The following FSIP1 variants were observed in gnomAD, a reference collection of about 807,000 sequenced individuals.
FSIP1 encodes fibrous sheath-interacting protein 1.
In FSIP1, 65 loss-of-function variants were observed where a neutral mutation model predicts 60.9. The observed-to-expected ratio is 1.07, with a 90% CI of 0.87 to 1.31. FSIP1 has a LOEUF of 1.31. FSIP1 is among the 40% of genes most tolerant of loss of function. The probability of loss-of-function intolerance (pLI) is 0.00; values close to 1 mark genes in which losing one functional copy is unlikely to be tolerated. For synonymous variants in FSIP1, 209 were observed against 221.2 expected, an observed-to-expected ratio of 0.94 and a Z score of 0.49; for missense variants, 675 against 665.5, an observed-to-expected ratio of 1.01 and a Z score of -0.16.
At chr15:39,772,584 C>T (rs574330916) in intron 2 of FSIP1, among the ~76,000 whole-genome samples, 35 of 151,760 alleles carry the variant, frequency 2.3e-4, no homozygotes, top group Middle Eastern at 3.4e-3. Flanking sequence ...TGTGAGCCAC[C>T]GTGCCCAGCC....
In FSIP1 at chr15:39,698,954, TA is replaced by T. The variant is rs374312006; in HGVS notation, c.1188+14489del. On this transcript the variant is annotated intron_variant, in intron 10 of 11. Transcript: ENST00000350221. ...AAGAAATTGGTCAGAGGTAAACAGA[TA>T]AGAGGTGATGCAATAGCTTTATGAT... 3.5e-3 allele frequency among the ~76,000 whole-genome samples: 532 copies of T among 152,292 alleles called. 3 individuals carry two copies. The highest frequency in any genetic ancestry group is 0.012 in the African/African-American group (508 of 41,562).
At chr15:39,654,485 T>G (rs1479566220) in intron 10 of FSIP1, among the ~76,000 whole-genome samples, 1 of 152,216 alleles carries the variant, frequency 6.6e-6, no homozygotes, top group Admixed American at 6.5e-5. Context: ...GATACCTGTG[T>G]ACTAAATGTT....
At chr15:39,754,198 A>G (rs532852812) in intron 5 of FSIP1, among the ~76,000 whole-genome samples, 56 of 152,174 alleles carry the variant, frequency 3.7e-4, no homozygotes, top group African/African-American at 9.9e-4. Flanking sequence ...AAAGGCAGCA[A>G]GAAACTGAGG....
chr15:39,686,373 A>G (rs1470545797), intron 10 of FSIP1, among the ~76,000 whole-genome samples: 1 of 152,274 alleles, frequency 6.6e-6, no homozygotes, highest in Non-Finnish European at 1.5e-5. Context: ...TTCAATTAAA[A>G]ACTTTTCCCA....
At chr15:39,626,959 G>C (rs1891665361) in intron 10 of FSIP1, among the ~76,000 whole-genome samples, 1 of 150,374 alleles carries the variant, frequency 6.7e-6, no homozygotes, top group African/African-American at 2.5e-5. Flanking sequence ...CACTAGTGTA[G>C]CACTATCTGG....
chr15:39,779,333 T>TA (rs1898169727), intron 1 of FSIP1, among the ~76,000 whole-genome samples: 1 of 151,696 alleles, frequency 6.6e-6, no homozygotes, highest in Admixed American at 6.6e-5. Context: ...ATCAAGGAAG[T>TA]AAGAGTAGTG....
chr15:39,674,131 T>C (rs538475787), intron 10 of FSIP1, among the ~76,000 whole-genome samples: 52 of 151,840 alleles, frequency 3.4e-4, no homozygotes, highest in African/African-American at 1.2e-3. Context: ...CTCGGCTCAC[T>C]GCAAGCTCCG....
At chr15:39,652,702 T>C (rs1892921364) in intron 10 of FSIP1, among the ~76,000 whole-genome samples, 1 of 152,222 alleles carries the variant, frequency 6.6e-6, no homozygotes, top group Admixed American at 6.5e-5. Flanking sequence ...ATTTCATTTG[T>C]TATACACAAA....
chr15:39,707,840 A>T (rs1411412798), intron 10 of FSIP1, among the ~76,000 whole-genome samples: 1 of 152,056 alleles, frequency 6.6e-6, no homozygotes, highest in Admixed American at 6.6e-5. Context: ...GCCCTTAACC[A>T]CCAAGCCCCC....
At chr15:39,745,347 T>C (rs1391741153) in intron 5 of FSIP1, among the ~76,000 whole-genome samples, 1 of 152,226 alleles carries the variant, frequency 6.6e-6, no homozygotes, top group African/African-American at 2.4e-5. Context: ...TACCATAGTC[T>C]AATTAATATA....
In FSIP1 at chr15:39,752,397, G is replaced by T. The variant is rs596717; in HGVS notation, c.560-10497C>A. On this transcript the variant is annotated intron_variant, in intron 5 of 11. Transcript: ENST00000350221. ...AAGAGTAGAGTGTGGCAAAGGATGGGGAAATATGGTAACTTACAGTGGAAA... is the reference window on the plus strand; with the variant it reads ...AAGAGTAGAGTGTGGCAAAGGATGGTGAAATATGGTAACTTACAGTGGAAA... Among the ~76,000 whole-genome samples, 990 of 151,940 alleles carry T rather than the reference G, an allele frequency of 6.5e-3. 8 individuals carry two copies. The highest frequency in any genetic ancestry group is 0.023 in the African/African-American group (937 of 41,442).
chr15:39,742,187 C>T lies in FSIP1; in HGVS notation c.560-287G>A, dbSNP rs151272469. On this transcript the variant is annotated intron_variant, in intron 5 of 11. Coordinates refer to ENST00000350221, the MANE Select transcript of FSIP1 (RefSeq NM_152597.5). Reference sequence around the variant, plus strand: ...TGTGTAAGAGTGTGCTAAAATAACACATTAACTCTCCAGAGATAATGCATC... The same window carrying T: ...TGTGTAAGAGTGTGCTAAAATAACATATTAACTCTCCAGAGATAATGCATC... 8.5e-3 allele frequency among the ~76,000 whole-genome samples: 1,292 copies of T among 152,258 alleles called. 18 individuals are homozygous for T. Among genetic ancestry groups the T allele is most frequent in the African/African-American group, 0.029 (1,204 of 41,534 alleles).
In FSIP1 at chr15:39,601,521, C is replaced by T. The variant is rs149627080; in HGVS notation, c.1700-595G>A. 1.9e-3 allele frequency among the ~76,000 whole-genome samples: 290 copies of T among 152,270 alleles called. 3 individuals carry two copies. The highest frequency in any genetic ancestry group is 3.0e-3 in the Non-Finnish European group (206 of 68,024). ...AGTCTGGCAGTTCCTGAGAAGGTTA[C>T]CATAGACCTGGCAATTCCACTTCTA... On this transcript the variant is annotated intron_variant, in intron 11 of 11. Transcript: ENST00000350221.
At chr15:39,622,145 C>T (rs929770354) in intron 10 of FSIP1, among the ~76,000 whole-genome samples, 1 of 148,582 alleles carries the variant, frequency 6.7e-6, no homozygotes, top group African/African-American at 2.5e-5. Context: ...ACTCACTGTG[C>T]AGGCACTGTC....
intron 10 of FSIP1, among the ~76,000 whole-genome samples, chr15:39,688,240 G>A (rs970918106): frequency 2.0e-5 from 3 of 152,052 alleles, no homozygotes; most frequent in African/African-American, 7.2e-5. Context: ...ACTTACAATG[G>A]GCTTACATCC....
chr15:39,767,978 C>G (rs1244944197), intron 3 of FSIP1, among the ~76,000 whole-genome samples: 1 of 152,220 alleles, frequency 6.6e-6, no homozygotes. Context: ...AGCTGATTAA[C>G]ACAAGCCGCC....
chr15:39,726,235 G>A (rs1171247053), intron 9 of FSIP1, among the ~76,000 whole-genome samples: 1 of 152,122 alleles, frequency 6.6e-6, no homozygotes, highest in Non-Finnish European at 1.5e-5. Flanking sequence ...AAGGGACAAT[G>A]GCTGTCATTG....
chr15:39,740,277 C>A (rs1237762517), intron 6 of FSIP1, among the ~76,000 whole-genome samples: 1 of 149,952 alleles, frequency 6.7e-6, no homozygotes, highest in Non-Finnish European at 1.5e-5. Flanking sequence ...GAGTTAGCGT[C>A]CCATGTCCTA....
chr15:39,713,147 T>C (rs1200517127), intron 10 of FSIP1, among the ~76,000 whole-genome samples: 1 of 152,250 alleles, frequency 6.6e-6, no homozygotes, highest in Non-Finnish European at 1.5e-5. Context: ...AATTATATTT[T>C]TAGCTTTTAT....
Sources: gnomAD v4.1 joint callset for allele counts (sites outside exome capture counted in the v4.1 genomes callset) on GRCh38, gnomAD v4.1.1 for gene constraint, MANE v1.5 for transcripts, NCBI Gene and HGNC (gene_info 2026-07-23, HGNC 2026-07-21) for gene names.